Variants in SKAP2 observed in about 807,000 individuals in gnomAD.
The protein encoded by SKAP2 is src kinase-associated phosphoprotein 2.
Under a neutral mutation model 54.9 loss-of-function variants are expected in SKAP2, and 28 were observed. That is an observed-to-expected ratio of 0.51 (90% CI 0.38 to 0.70). The LOEUF (loss-of-function observed/expected upper bound fraction) is 0.70. SKAP2 is among the 30% of genes least tolerant of loss of function. The pLI is 0.00. For missense variants in SKAP2, 356 were observed against 424.1 expected, an observed-to-expected ratio of 0.84 and a Z score of 1.41; for synonymous variants, 137 against 134.3, an observed-to-expected ratio of 1.02 and a Z score of -0.14.
chr7:26,701,188 A>T (rs984540975), intron 9 of SKAP2, among the ~76,000 whole-genome samples: 2 of 152,146 alleles, frequency 1.3e-5, no homozygotes, highest in Non-Finnish European at 2.9e-5. Context: ...TTTTATTTGA[A>T]TCTTTGTCAA....
chr7:26,836,566 C>T (rs986553364), intron 4 of SKAP2, among the ~76,000 whole-genome samples: 15 of 152,064 alleles, frequency 9.9e-5, no homozygotes, highest in Admixed American at 2.0e-4. Context: ...GACATTTATG[C>T]GGCCAAAAAC....
intron 4 of SKAP2, among the ~76,000 whole-genome samples, chr7:26,754,150 G>A (rs982242835): frequency 3.3e-5 from 5 of 152,024 alleles, no homozygotes; most frequent in African/African-American, 1.2e-4. Context: ...GATCACTTGA[G>A]GTCAAGAGTT....
chr7:26,853,413 G>A (rs1785089454), intron 3 of SKAP2, among the ~76,000 whole-genome samples: 2 of 152,092 alleles, frequency 1.3e-5, no homozygotes, highest in Non-Finnish European at 2.9e-5. Flanking sequence ...GCCACACCCA[G>A]TTTCCCCTAA....
chr7:26,797,003 A>C (rs1197913469), intron 4 of SKAP2, among the ~76,000 whole-genome samples: 1 of 152,196 alleles, frequency 6.6e-6, no homozygotes, highest in Non-Finnish European at 1.5e-5. Flanking sequence ...GTGGGAGAAA[A>C]GTAGAGGAGA....
intron 4 of SKAP2, among the ~76,000 whole-genome samples, chr7:26,767,822 G>A (rs1327723984): frequency 6.6e-6 from 1 of 152,198 alleles, no homozygotes; most frequent in Non-Finnish European, 1.5e-5. Flanking sequence ...TGTGGTCTGA[G>A]TGATGGTTTA....
chr7:26,730,994 G>A (rs1185438823), intron 6 of SKAP2, among the ~76,000 whole-genome samples: 1 of 152,080 alleles, frequency 6.6e-6, no homozygotes, highest in African/African-American at 2.4e-5. Flanking sequence ...TATATTCCCA[G>A]CACTGATGGG....
chr7:26,687,701 A>G (rs1205369493), intron 10 of SKAP2, among the ~76,000 whole-genome samples: 2 of 152,142 alleles, frequency 1.3e-5, no homozygotes, highest in Non-Finnish European at 2.9e-5. Context: ...GTAGCTAAAC[A>G]TACACAAAAA....
At chr7:26,754,236 C>A (rs1782742443) in intron 4 of SKAP2, among the ~76,000 whole-genome samples, 2 of 151,680 alleles carry the variant, frequency 1.3e-5, no homozygotes, top group Admixed American at 6.6e-5. Flanking sequence ...TGGTGGCGTA[C>A]ACCTGCAATC....
intron 4 of SKAP2, among the ~76,000 whole-genome samples, chr7:26,757,838 T>G (rs563785687): frequency 6.6e-6 from 1 of 152,344 alleles, no homozygotes; most frequent in African/African-American, 2.4e-5. Flanking sequence ...CTTGGCTCAC[T>G]GCAACCTCTG....
At chr7:26,802,546 T>C (rs147425824) in intron 4 of SKAP2, among the ~76,000 whole-genome samples, 13,006 of 152,172 alleles carry the variant, frequency 0.085, 621 homozygotes, top group Middle Eastern at 0.16. Flanking sequence ...GTTGGGATTA[T>C]AGGCATGAGC....
At chr7:26,857,944 G>A (rs915283096) in intron 1 of SKAP2, 1 of 153,948 alleles carries the variant, frequency 6.5e-6, no homozygotes, top group Non-Finnish European at 1.4e-5. Flanking sequence ...CGTGTTCCTC[G>A]GTTAATATGT....
At chr7:26,773,989 T>TC (rs1783244608) in intron 4 of SKAP2, among the ~76,000 whole-genome samples, 2 of 152,224 alleles carry the variant, frequency 1.3e-5, no homozygotes, top group African/African-American at 4.8e-5. Context: ...TCTCCTACAC[T>TC]CCAACTTTTT....
chr7:26,829,795 C>T (rs1475542142), intron 4 of SKAP2, among the ~76,000 whole-genome samples: 2 of 152,104 alleles, frequency 1.3e-5, no homozygotes, highest in Admixed American at 6.5e-5. Context: ...CCCCACATAT[C>T]GCTGGCTGGA....
intron 4 of SKAP2, among the ~76,000 whole-genome samples, chr7:26,754,085 C>T (rs949685945): frequency 7.2e-5 from 11 of 152,000 alleles, no homozygotes; most frequent in East Asian, 1.9e-4. Flanking sequence ...AAAAGTAAGC[C>T]GGGCACGGTG....
downstream of SKAP2, among the ~76,000 whole-genome samples, chr7:26,663,052 A>G (rs1786042585): frequency 6.6e-6 from 1 of 152,072 alleles, no homozygotes; most frequent in Non-Finnish European, 1.5e-5. Context: ...TACACCACTG[A>G]GATCTACTTG....
chr7:26,823,846 C>T (rs1230043560), intron 4 of SKAP2, among the ~76,000 whole-genome samples: 1 of 152,124 alleles, frequency 6.6e-6, no homozygotes, highest in Non-Finnish European at 1.5e-5. Context: ...CATGATAAAA[C>T]TTGAAGGGAT....
At chr7:26,713,968 G>C (rs915083804) in intron 9 of SKAP2, among the ~76,000 whole-genome samples, 9 of 152,220 alleles carry the variant, frequency 5.9e-5, no homozygotes, top group Admixed American at 2.0e-4. Flanking sequence ...GGTGGAGACA[G>C]TTTCAAGACA....
chr7:26,666,086 C>T (rs963800180), downstream of SKAP2, among the ~76,000 whole-genome samples: 5 of 152,024 alleles, frequency 3.3e-5, no homozygotes, highest in East Asian at 9.6e-4. Flanking sequence ...CACTCTTCAC[C>T]ACCTCTTTCT....
downstream of SKAP2, among the ~76,000 whole-genome samples, chr7:26,663,172 C>T (rs2128081704): frequency 6.6e-6 from 1 of 152,156 alleles, no homozygotes; most frequent in Middle Eastern, 3.4e-3. Flanking sequence ...GAATCAAATA[C>T]CCTTTGAAAA....
Sources: allele counts gnomAD v4.1 joint callset (sites outside exome capture counted in the v4.1 genomes callset), GRCh38; gene constraint gnomAD v4.1.1; transcripts MANE v1.5; gene names NCBI Gene and HGNC (gene_info 2026-07-23, HGNC 2026-07-21).